Variants in LDAH observed in about 807,000 individuals in gnomAD.
The protein encoded by LDAH is lipid droplet associated hydrolase, also known as lipid droplet-associated hydrolase.
A neutral mutation model predicts 29.6 loss-of-function variants in LDAH; 26 were observed. The observed-to-expected ratio is 0.88, with a 90% confidence interval of 0.64 to 1.22. The LOEUF (loss-of-function observed/expected upper bound fraction) is 1.22. Among genes scored for constraint, LDAH ranks in the 50% most tolerant of loss-of-function variants. The pLI is 0.00. For missense variants in LDAH, 344 were observed against 387.3 expected (o/e 0.89, Z 0.94); for synonymous variants, 117 against 133.0 (o/e 0.88, Z 0.83).
At chr2:20,810,006 C>T (rs1211639585) in intron 1 of LDAH, among the ~76,000 whole-genome samples, 1 of 152,186 alleles carries the variant, frequency 6.6e-6, no homozygotes. Flanking sequence ...CAGTTACTCT[C>T]GCTATCTAAA....
intron 5 of LDAH, among the ~76,000 whole-genome samples, chr2:20,710,686 A>T (rs1664681458): frequency 6.8e-6 from 1 of 147,084 alleles, no homozygotes; most frequent in East Asian, 1.9e-4. Flanking sequence ...ATATATACAC[A>T]TATATATTAT....
intron 1 of LDAH, among the ~76,000 whole-genome samples, chr2:20,813,676 T>G (rs1672654366): frequency 6.6e-6 from 1 of 152,232 alleles, no homozygotes; most frequent in African/African-American, 2.4e-5. Context: ...AAAAAGAATG[T>G]AATTCTTTTA....
intron 4 of LDAH, among the ~76,000 whole-genome samples, chr2:20,767,634 C>T (rs554174118): frequency 8.4e-4 from 128 of 152,292 alleles, no homozygotes; most frequent in African/African-American, 3.0e-3. Context: ...GGAGGATCTC[C>T]GGTGAGGCCC....
At chr2:20,744,670 C>A (rs1667446316) in intron 4 of LDAH, among the ~76,000 whole-genome samples, 1 of 152,150 alleles carries the variant, frequency 6.6e-6, no homozygotes, top group East Asian at 1.9e-4. Flanking sequence ...CAAAATGGTT[C>A]ATTTCACCTT....
intron 4 of LDAH, among the ~76,000 whole-genome samples, chr2:20,763,774 A>G (rs1054468664): frequency 2.0e-5 from 3 of 152,252 alleles, no homozygotes; most frequent in African/African-American, 7.2e-5. Context: ...GTACACAAAT[A>G]TTAAAATGGC....
chr2:20,712,086 T>C (rs932194271), intron 5 of LDAH, among the ~76,000 whole-genome samples: 10 of 152,190 alleles, frequency 6.6e-5, no homozygotes, highest in African/African-American at 2.2e-4. Flanking sequence ...CCTCCTCAAG[T>C]GGGTCCCTGA....
rs1662566183 is a variant in LDAH, at chr2:20,686,503, AT to A, written c.*399del. 6.4e-6 allele frequency: 1 copy of A among 157,240 alleles called. No homozygotes were observed. Among genetic ancestry groups the A allele is most frequent in the Non-Finnish European group, 1.4e-5 (1 of 71,686 alleles). The allele number at this position is 157,240 out of a possible 1,614,324, so 9.7% of individuals were successfully genotyped here. On this transcript the variant is annotated 3_prime_UTR_variant, in exon 7 of 7. Coordinates refer to ENST00000237822, the MANE Select transcript of LDAH (RefSeq NM_021925.4). ...CTTAACATTCACTGATTTATTTTACATTTTCTAGTAGGTATTTCATAATTTC... is the reference window on the plus strand; with the variant it reads ...CTTAACATTCACTGATTTATTTTACATTTCTAGTAGGTATTTCATAATTTC...
intron 6 of LDAH, 50 bp downstream of exon 6, chr2:20,701,520 C>G (rs758150566): frequency 6.8e-7 from 1 of 1,467,912 alleles, no homozygotes; most frequent in Non-Finnish European, 9.6e-7. Flanking sequence ...GCCCTCGTAT[C>G]TCTGCCCATC....
At chr2:20,780,560 G>C (rs1670125129) in intron 3 of LDAH, among the ~76,000 whole-genome samples, 1 of 152,134 alleles carries the variant, frequency 6.6e-6, no homozygotes, top group African/African-American at 2.4e-5. Flanking sequence ...GGTTAAAAAG[G>C]AAAGTTGGGT....
intron 5 of LDAH, among the ~76,000 whole-genome samples, chr2:20,702,036 A>G (rs1663982677): frequency 6.6e-6 from 1 of 152,184 alleles, no homozygotes. Context: ...GCAAACAGTT[A>G]CTAACATGAA....
intron 1 of LDAH, among the ~76,000 whole-genome samples, chr2:20,807,824 C>T (rs566268266): frequency 6.6e-6 from 1 of 151,426 alleles, no homozygotes; most frequent in East Asian, 1.9e-4. Flanking sequence ...CACTTCTATA[C>T]TTGAGGTCTC....
chr2:20,724,567 CTA>C (rs961731361), intron 5 of LDAH, among the ~76,000 whole-genome samples: 1 of 152,182 alleles, frequency 6.6e-6, no homozygotes, highest in Non-Finnish European at 1.5e-5. Flanking sequence ...GAGGCCAGAA[CTA>C]GAGGCTGAAG....
intron 5 of LDAH, among the ~76,000 whole-genome samples, chr2:20,713,947 C>T (rs534003853): frequency 6.6e-6 from 1 of 152,230 alleles, no homozygotes; most frequent in Non-Finnish European, 1.5e-5. Flanking sequence ...CTTTAACACC[C>T]CACTGTCAAT....
Position 20,692,578 on chromosome 2 carries a change from T to C in LDAH, c.787-5484A>G, listed in dbSNP as rs569200146. ...AATAAAAGGGCTAATAAAATGAAAG[T>C]TTTGCATCTCTATATATTTTTGCAT... is the stretch of plus-strand genomic sequence containing the variant. On this transcript the variant is annotated intron_variant, in intron 6 of 6. Coordinates refer to ENST00000237822, the MANE Select transcript of LDAH (RefSeq NM_021925.4). 2.4e-3 allele frequency among the ~76,000 whole-genome samples: 366 copies of C among 152,250 alleles called. 2 individuals carry two copies. The highest frequency in any genetic ancestry group is 8.5e-3 in the African/African-American group (352 of 41,540).
At chr2:20,773,877 T>C (rs1172383931) in intron 4 of LDAH, among the ~76,000 whole-genome samples, 1 of 152,144 alleles carries the variant, frequency 6.6e-6, no homozygotes, top group Non-Finnish European at 1.5e-5. Context: ...ACGTCCTATC[T>C]TGGCTTCAGA....
chr2:20,720,588 AATG>A (rs1665577709), intron 5 of LDAH, among the ~76,000 whole-genome samples: 1 of 152,142 alleles, frequency 6.6e-6, no homozygotes, highest in Non-Finnish European at 1.5e-5. Context: ...TCAAAATACT[AATG>A]ACATGCTTCA....
rs1663702848 is a variant in LDAH, at chr2:20,698,866, A to G, written c.786+2704T>C. ...CCTCAGAAGGAGGATAATCAGCTCA[A>G]CAGATCTTTTAGAGCTAAAAATGCC... On this transcript the variant is annotated intron_variant, in intron 6 of 6. Coordinates refer to ENST00000237822, the MANE Select transcript of LDAH (RefSeq NM_021925.4). The surrounding 1 kb of genome is among the most constrained non-coding windows in gnomAD (Gnocchi z 4.4). Among the ~76,000 whole-genome samples, 1 of 152,234 alleles carries G rather than the reference A, an allele frequency of 6.6e-6. No individual in the cohort carries two copies. The highest frequency in any genetic ancestry group is 2.1e-4 in the South Asian group (1 of 4,830).
chr2:20,739,000 T>C (rs59154217), intron 5 of LDAH, among the ~76,000 whole-genome samples: 2,233 of 152,342 alleles, frequency 0.015, 57 homozygotes, highest in African/African-American at 0.051. Flanking sequence ...GCACCAGCTA[T>C]GGTGAAAGGA....
chr2:20,818,608 C>A (rs1673024174), intron 1 of LDAH, among the ~76,000 whole-genome samples: 2 of 151,360 alleles, frequency 1.3e-5, no homozygotes, highest in African/African-American at 4.8e-5. Context: ...AAATTATATT[C>A]TCTTCCTTTC....
Sources: allele counts gnomAD v4.1 joint callset (sites outside exome capture counted in the v4.1 genomes callset), GRCh38; gene constraint gnomAD v4.1.1; non-coding constraint Gnocchi (gnomAD v3.1); transcripts MANE v1.5; gene names NCBI Gene and HGNC (gene_info 2026-07-23, HGNC 2026-07-21).